CTNNAL1: variants seen among roughly 807,000 people sequenced by gnomAD.
The protein encoded by CTNNAL1 is alpha-catulin.
CTNNAL1 carries 69 observed loss-of-function variants against 93.6 expected under a neutral mutation model. That is an observed-to-expected ratio of 0.74 (90% CI 0.61 to 0.90). The LOEUF (loss-of-function observed/expected upper bound fraction) is 0.90, where lower values mean the gene tolerates loss of function less well. CTNNAL1 is among the 40% of genes least tolerant of loss of function. The probability of loss-of-function intolerance (pLI) is 0.00; values close to 1 mark genes in which losing one functional copy is unlikely to be tolerated. For synonymous variants in CTNNAL1, 286 were observed against 305.4 expected, an observed-to-expected ratio of 0.94 and a Z score of 0.66; for missense variants, 836 against 862.0, an observed-to-expected ratio of 0.97 and a Z score of 0.38.
chr9:109,013,457 C>G lies in CTNNAL1; in HGVS notation c.-15G>C. 1 of 1,381,160 alleles carries G rather than the reference C, an allele frequency of 7.2e-7. No individual in the cohort carries two copies. The highest frequency in any genetic ancestry group is 9.4e-7 in the Non-Finnish European group (1 of 1,061,190). 85.6% of individuals were successfully genotyped at this position (1,381,160 alleles called of 1,614,324 possible). ...GAGGCGGCCATGGCCCTCGGTCTATCCCGCAGCCGGGACTCCGCGCCGCGG... is the reference window on the plus strand; with the variant it reads ...GAGGCGGCCATGGCCCTCGGTCTATGCCGCAGCCGGGACTCCGCGCCGCGG... On this transcript the variant is annotated 5_prime_UTR_variant, in exon 1 of 19. Transcript: ENST00000325551.
At chr9:108,993,851 G>A (rs760413100) in intron 2 of CTNNAL1, among the ~76,000 whole-genome samples, 4 of 152,180 alleles carry the variant, frequency 2.6e-5, no homozygotes, top group African/African-American at 7.2e-5. Context: ...ACAATAATGT[G>A]TCAGCTCATA....
At chr9:108,999,323 T>C (rs1332426773) in intron 1 of CTNNAL1, 67 bp from the exon 2 acceptor site, 5 of 1,480,968 alleles carry the variant, frequency 3.4e-6, no homozygotes, top group Non-Finnish European at 3.6e-6. Context: ...TATCACAAAG[T>C]CAAAGAAAAT....
intron 4 of CTNNAL1, among the ~76,000 whole-genome samples, chr9:108,985,412 G>T (rs1384634582): frequency 1.3e-5 from 2 of 152,082 alleles, no homozygotes; most frequent in African/African-American, 2.4e-5. Context: ...TAGGTTAAAG[G>T]CCCCTTCTTA....
intron 2 of CTNNAL1, 35 bp from the exon 3 acceptor site, chr9:108,992,854 G>T: frequency 1.3e-6 from 2 of 1,570,104 alleles, no homozygotes; most frequent in Non-Finnish European, 8.6e-7. Context: ...AGTTAAACAG[G>T]CATACAAATT....
chr9:108,981,104 G>A (rs1831414001), intron 6 of CTNNAL1, among the ~76,000 whole-genome samples: 1 of 152,254 alleles, frequency 6.6e-6, no homozygotes, highest in Non-Finnish European at 1.5e-5. Context: ...AGAGCTGTCG[G>A]CAGCAGCCAC....
intron 8 of CTNNAL1, among the ~76,000 whole-genome samples, chr9:108,973,642 G>A (rs1831182041): frequency 6.7e-6 from 1 of 149,046 alleles, no homozygotes; most frequent in Non-Finnish European, 1.5e-5. Flanking sequence ...GATATCTTTG[G>A]ACACTATTAA....
chr9:108,973,960 A>G (rs1197349134), intron 8 of CTNNAL1, among the ~76,000 whole-genome samples: 2 of 152,234 alleles, frequency 1.3e-5, no homozygotes, highest in Non-Finnish European at 2.9e-5. Flanking sequence ...TAAATGCCAC[A>G]TAAGAACTTA....
chr9:108,952,170 T>C (rs763036532), intron 14 of CTNNAL1, 39 bp downstream of exon 14: 2 of 1,544,236 alleles, frequency 1.3e-6, no homozygotes, highest in South Asian at 2.4e-5. Context: ...CCAGATATCA[T>C]TATACTGATT....
chr9:108,965,228 T>C (rs1404697534), intron 11 of CTNNAL1, 150 bp downstream of exon 11: 2 of 566,320 alleles, frequency 3.5e-6, no homozygotes, highest in Non-Finnish European at 5.6e-6. Flanking sequence ...AATAATATTT[T>C]TGTAATTTTT....
At chr9:109,001,952 C>T (rs770165229) in intron 1 of CTNNAL1, among the ~76,000 whole-genome samples, 12 of 152,118 alleles carry the variant, frequency 7.9e-5, no homozygotes, top group Non-Finnish European at 5.9e-5. Context: ...TGGGGTGAGG[C>T]TGTAACAAAA....
At chr9:108,990,694 T>C in intron 4 of CTNNAL1, 32 bp downstream of exon 4, 1 of 1,598,424 alleles carries the variant, frequency 6.3e-7, no homozygotes, top group Non-Finnish European at 8.5e-7. Context: ...TATGTATTTA[T>C]CTGAAGATTG....
At chr9:108,946,512 T>C (rs949966455) in intron 15 of CTNNAL1, among the ~76,000 whole-genome samples, 1 of 152,210 alleles carries the variant, frequency 6.6e-6, no homozygotes, top group African/African-American at 2.4e-5. Flanking sequence ...TTACTGTCTC[T>C]ATTCAAACAC....
Position 108,992,794 on chromosome 9 carries a change from G to A in CTNNAL1, c.357C>T (p.Asp119=). ...QAGETIAALT[D]ITNLNHLESD... Reference sequence around the variant, plus strand: ...ATTCCAGATGGTTCAAGTTGGTTATGTCTGTAAGTGCTGCAATTGTTTCTC... The same window carrying A: ...ATTCCAGATGGTTCAAGTTGGTTATATCTGTAAGTGCTGCAATTGTTTCTC... The change falls in exon 3 of 19, where the codon GAC becomes GAT. Residue 119 remains aspartate (D), a synonymous_variant. Transcript: ENST00000325551. The A allele has an allele frequency of 6.2e-7, 1 of 1,611,864 alleles. No individual in the cohort carries two copies. The highest frequency in any genetic ancestry group is 1.3e-5 in the African/African-American group (1 of 74,958).
Position 108,955,734 on chromosome 9 carries a change from C to T in CTNNAL1, c.1629+56G>A, listed in dbSNP as rs1256268846. The T allele has an allele frequency of 2.1e-6, 3 of 1,441,870 alleles. No individual in the cohort carries two copies. The East Asian group carries it at 7.1e-5, about 34-fold the overall frequency. The allele number at this position is 1,441,870 out of a possible 1,614,324, so 89.3% of individuals were successfully genotyped here. A position where few individuals can be genotyped will look rare whatever the true frequency, so the allele number is the denominator to read the frequency against. On this transcript the variant is annotated intron_variant, in intron 12 of 18. Coordinates refer to ENST00000325551, the MANE Select transcript of CTNNAL1 (RefSeq NM_003798.4). ...GGGGAGCAGCAACAGGCAACAAGAG[C>T]ATAATTTGAATTCTGAATAAAAACA...
chr9:108,970,472 A>C lies in CTNNAL1; in HGVS notation c.1370T>G (p.Ile457Arg). 14 of 1,611,730 alleles carry C rather than the reference A, an allele frequency of 8.7e-6. No individual in the cohort carries two copies. The highest frequency in any genetic ancestry group is 1.2e-5 in the Non-Finnish European group (14 of 1,179,048). The part of the protein sequence containing the change: ...LVETCRLLRH[I>R]SGTEPLEITC... ...TATTTCCAGAGGTTCTGTCCCAGAT[A>C]TGTGTCGTAACAATCGACAGGTCTA... The change falls in exon 10 of 19, where the codon ATA becomes AGA. Residue 457 changes from isoleucine (I) to arginine (R), a missense_variant. Transcript: ENST00000325551.
At chr9:108,998,114 T>G (rs1832088682) in intron 2 of CTNNAL1, among the ~76,000 whole-genome samples, 1 of 152,178 alleles carries the variant, frequency 6.6e-6, no homozygotes, top group Admixed American at 6.5e-5. Flanking sequence ...TCTTCCTAAT[T>G]CCCTATCCCA....
At chr9:108,985,936 G>A (rs1006380907) in intron 4 of CTNNAL1, among the ~76,000 whole-genome samples, 7 of 152,102 alleles carry the variant, frequency 4.6e-5, no homozygotes, top group Non-Finnish European at 1.0e-4. Flanking sequence ...AAACCCAGAT[G>A]GTCCATGAAG....
intron 13 of CTNNAL1, 27 bp from the exon 14 acceptor site, chr9:108,952,390 C>T (rs548514291): frequency 2.5e-5 from 40 of 1,614,114 alleles, no homozygotes; most frequent in Admixed American, 1.5e-4. Flanking sequence ...TTAATCACAA[C>T]GACTTTATCA....
intron 1 of CTNNAL1, among the ~76,000 whole-genome samples, chr9:109,011,371 GA>G (rs72043132): frequency 0.28 from 38,543 of 136,800 alleles, 5,600 homozygotes; most frequent in African/African-American, 0.43. Context: ...ACTGGAAAAA[GA>G]AAAAAAAAAA....
Sources: gnomAD v4.1 joint callset for allele counts (sites outside exome capture counted in the v4.1 genomes callset) on GRCh38, gnomAD v4.1.1 for gene constraint, MANE v1.5 for transcripts, NCBI Gene and HGNC (gene_info 2026-07-23, HGNC 2026-07-21) for gene names.